KRAS: variants seen among roughly 807,000 people sequenced by gnomAD.
KRAS encodes the protein KRas proto-oncogene, GTPase.
Under a neutral mutation model 21.0 loss-of-function variants are expected in KRAS, and 1 was observed. The ratio of observed to expected loss-of-function variants is 0.05; its 90% confidence interval spans 0.02 to 0.23. The LOEUF (loss-of-function observed/expected upper bound fraction) is 0.23. Among genes scored for constraint, KRAS ranks in the 10% least tolerant of loss-of-function variants. The pLI, the probability that KRAS is intolerant of heterozygous loss-of-function variation, is 1.00. For missense variants in KRAS, 107 were observed against 221.8 expected (o/e 0.48, Z 3.29); for synonymous variants, 67 against 72.5 (o/e 0.92, Z 0.39).
chr12:25,244,746 G>A (rs1484440590), intron 2 of KRAS, among the ~76,000 whole-genome samples: 1 of 151,890 alleles, frequency 6.6e-6, no homozygotes. Flanking sequence ...AGGTAAAGTT[G>A]GTAATAGTAC....
At chr12:25,215,478 G>A (rs2141488797) in intron 4 of KRAS, 1 of 1,611,372 alleles carries the variant, frequency 6.2e-7, no homozygotes. Flanking sequence ...CACACAGCCA[G>A]GAGTCTTTTC....
rs1418275156 is a variant in KRAS, at chr12:25,209,109, T to C, written c.*686A>G. On this transcript the variant is annotated 3_prime_UTR_variant, in exon 5 of 5. Coordinates refer to ENST00000311936, the MANE Select transcript of KRAS (RefSeq NM_004985.5). ...CAGGAAAAGCTATTAGGAGTCTTTA[T>C]AGTAATTTATCTAATGTGAAAAGGA... The C allele has an allele frequency of 1.6e-5, 8 of 509,996 alleles. No individual in the cohort carries two copies. Among genetic ancestry groups the C allele is most frequent in the Middle Eastern group, 5.0e-4 (1 of 1,998 alleles). 31.6% of individuals were successfully genotyped at this position (509,996 alleles called of 1,614,324 possible).
At chr12:25,235,270 T>G (rs1477631828) in intron 2 of KRAS, 2 of 519,396 alleles carry the variant, frequency 3.9e-6, no homozygotes, top group East Asian at 6.0e-5. Context: ...AATGCTCAAG[T>G]ACTTTACGTT....
chr12:25,246,706 G>A (rs373743922), intron 1 of KRAS, among the ~76,000 whole-genome samples: 647 of 152,234 alleles, frequency 4.3e-3, no homozygotes, highest in Non-Finnish European at 7.0e-3. Context: ...CACGAGGTCA[G>A]GAGATCAAGA....
chr12:25,245,766 TACACCCTGTAGC>T (rs1429645771), intron 1 of KRAS, among the ~76,000 whole-genome samples: 1 of 152,212 alleles, frequency 6.6e-6, no homozygotes, highest in East Asian at 1.9e-4. Context: ...CACAGTGCTC[TACACCCTGTAGC>T]ACACCCTCAC....
At position 25,242,475 on chromosome 12, in the gene KRAS, GC is replaced by G. The variant is rs1951623204; in HGVS notation, c.111+2798del. Among the ~76,000 whole-genome samples, 3 of 152,164 alleles carry G rather than the reference GC, an allele frequency of 2.0e-5. No individual in the cohort carries two copies. In the South Asian group the frequency reaches 6.2e-4, roughly 32 times the overall value. Reference sequence around the variant, plus strand: ...TTCTAGCCAAGTATTGTGTTTGGGGGCTATTTTGAGTTTTCAATAATCTTGC... The same window carrying G: ...TTCTAGCCAAGTATTGTGTTTGGGGGTATTTTGAGTTTTCAATAATCTTGC... On this transcript the variant is annotated intron_variant, in intron 2 of 4. Transcript: ENST00000311936.
intron 2 of KRAS, among the ~76,000 whole-genome samples, chr12:25,230,078 G>C (rs1299351703): frequency 1.3e-5 from 2 of 152,048 alleles, no homozygotes; most frequent in Admixed American, 6.6e-5. Context: ...AGCCTCTAAA[G>C]TATGTTTAGT....
chr12:25,225,832 C>T (rs1027308068), intron 3 of KRAS, 59 bp from the exon 4 acceptor site: 2 of 1,495,064 alleles, frequency 1.3e-6, no homozygotes, highest in Non-Finnish European at 1.8e-6. Context: ...CTTTCAAAAC[C>T]TGTCCACAAC....
At position 25,207,271 on chromosome 12, in the gene KRAS, TATGAGGCCA is replaced by T. The variant is rs532209180; in HGVS notation, c.*2515_*2523del. ...ATAAATGAGTTCTGCAAAACAGGTT[TATGAGGCCA>T]AGGTGGGTGAATCACTTGAGGTCAG... On this transcript the variant is annotated 3_prime_UTR_variant, in exon 5 of 5. Coordinates refer to ENST00000311936, the MANE Select transcript of KRAS (RefSeq NM_004985.5). 3 of 198,642 alleles carry T rather than the reference TATGAGGCCA, an allele frequency of 1.5e-5. No individual in the cohort carries two copies. In the East Asian group the frequency reaches 2.3e-4, roughly 16 times the overall value. 12.3% of individuals were successfully genotyped at this position (198,642 alleles called of 1,614,324 possible).
rs577486152 is a variant in KRAS at position 25,205,312 on chromosome 12, C to T, written c.*4483G>A. 24 of 213,644 alleles carry T rather than the reference C, an allele frequency of 1.1e-4. No individual in the cohort carries two copies. The South Asian group carries it at 4.3e-3, about 38-fold the overall frequency. 13.2% of individuals were successfully genotyped at this position (213,644 alleles called of 1,614,324 possible). ...AGTACAGTTCATGACAAAAATATTA[C>T]AAATTTTAGATCACTTCACAGCACA... is the stretch of plus-strand genomic sequence containing the variant. On this transcript the variant is annotated 3_prime_UTR_variant, in exon 5 of 5. Coordinates refer to ENST00000311936, the MANE Select transcript of KRAS (RefSeq NM_004985.5).
At chr12:25,219,432 T>C (rs1592801861) in intron 4 of KRAS, among the ~76,000 whole-genome samples, 1 of 152,352 alleles carries the variant, frequency 6.6e-6, no homozygotes, top group South Asian at 2.1e-4. Flanking sequence ...GCACTCCATA[T>C]AGAGAAAGTA....
chr12:25,210,546 T>G (rs921250205), intron 4 of KRAS: 5 of 152,116 alleles, frequency 3.3e-5, no homozygotes, highest in Non-Finnish European at 7.4e-5. Context: ...AGAAAAAGGT[T>G]TAAAGTGACC....
chr12:25,232,040 T>A (rs1032635884), intron 2 of KRAS, among the ~76,000 whole-genome samples: 2 of 152,058 alleles, frequency 1.3e-5, no homozygotes. Flanking sequence ...CCCAGGAACA[T>A]CCAGGTATAT....
intron 2 of KRAS, among the ~76,000 whole-genome samples, chr12:25,237,621 C>T (rs925099645): frequency 6.6e-6 from 1 of 152,152 alleles, no homozygotes; most frequent in Non-Finnish European, 1.5e-5. Flanking sequence ...AAGAACTTCA[C>T]TTATTTGTGC....
intron 2 of KRAS, among the ~76,000 whole-genome samples, chr12:25,238,588 T>C (rs1951572022): frequency 6.6e-6 from 1 of 152,108 alleles, no homozygotes; most frequent in African/African-American, 2.4e-5. Context: ...CCCAGCCCAA[T>C]GGTATAAGCT....
chr12:25,215,542 A>G (rs2141489141), intron 4 of KRAS: 1 of 1,611,560 alleles, frequency 6.2e-7, no homozygotes, highest in Non-Finnish European at 8.5e-7. Flanking sequence ...ACCAATGTAT[A>G]AAAAGCATCC....
chr12:25,234,124 TA>T (rs1951513634), intron 2 of KRAS: 1 of 172,820 alleles, frequency 5.8e-6, no homozygotes, highest in East Asian at 1.1e-4. Context: ...ATGAAGCTGT[TA>T]ATTTTTAAAT....
chr12:25,238,407 T>C (rs61761097), intron 2 of KRAS, among the ~76,000 whole-genome samples: 31 of 152,360 alleles, frequency 2.0e-4, no homozygotes, highest in African/African-American at 7.2e-4. Flanking sequence ...TCATATTTTA[T>C]ATTATATACC....
At chr12:25,216,848 A>G (rs1052485921) in intron 4 of KRAS, among the ~76,000 whole-genome samples, 9 of 152,228 alleles carry the variant, frequency 5.9e-5, no homozygotes, top group Admixed American at 2.0e-4. Flanking sequence ...AGGGGCACAG[A>G]GAAATACACA....
Sources: allele counts gnomAD v4.1 joint callset (sites outside exome capture counted in the v4.1 genomes callset), GRCh38; gene constraint gnomAD v4.1.1; transcripts MANE v1.5; gene names NCBI Gene and HGNC (gene_info 2026-07-23, HGNC 2026-07-21).